OCA2: variants seen among roughly 807,000 people sequenced by gnomAD.
OCA2 encodes the protein P protein.
A neutral mutation model predicts 100.2 loss-of-function variants in OCA2; 77 were observed. The observed-to-expected ratio is 0.77, with a 90% CI of 0.64 to 0.93. The LOEUF is 0.93. Among genes scored for constraint, OCA2 ranks in the 40% least tolerant of loss-of-function variants. The probability of loss-of-function intolerance (pLI) is 0.00; values close to 1 mark genes in which losing one functional copy is unlikely to be tolerated. For missense variants in OCA2, 1,062 were observed against 1,089.1 expected (o/e 0.98, Z 0.35); for synonymous variants, 432 against 439.2 (o/e 0.98, Z 0.21).
At chr15:27,849,518 A>G (rs934573545) in intron 22 of OCA2, among the ~76,000 whole-genome samples, 2 of 146,360 alleles carry the variant, frequency 1.4e-5, no homozygotes, top group Non-Finnish European at 3.0e-5. Context: ...GAGCAACCAA[A>G]AAATACTGGG....
At chr15:28,061,414 GC>G (rs1320392012) in intron 2 of OCA2, among the ~76,000 whole-genome samples, 2 of 152,102 alleles carry the variant, frequency 1.3e-5, no homozygotes, top group African/African-American at 4.8e-5. Flanking sequence ...AACAGGAACA[GC>G]AAAAAGCCCT....
chr15:27,809,200 G>A (rs924314), intron 23 of OCA2, among the ~76,000 whole-genome samples: 76,853 of 152,034 alleles, frequency 0.51, 20,028 homozygotes, highest in South Asian at 0.76. Flanking sequence ...GAAGCTTACC[G>A]TTTGGGGATG....
chr15:27,926,354 G>T, intron 18 of OCA2, 100 bp from the exon 19 acceptor site: 2 of 1,289,824 alleles, frequency 1.6e-6, no homozygotes, highest in Non-Finnish European at 2.2e-6. Context: ...AAGAATAATT[G>T]TCATACTACA....
At chr15:27,979,637 C>T (rs2041081220) in intron 14 of OCA2, among the ~76,000 whole-genome samples, 1 of 151,480 alleles carries the variant, frequency 6.6e-6, no homozygotes, top group South Asian at 2.1e-4. Context: ...ACATTTTTAA[C>T]TTTCACGGAC....
chr15:27,958,353 T>C (rs1276904237), intron 15 of OCA2, among the ~76,000 whole-genome samples: 1 of 152,230 alleles, frequency 6.6e-6, no homozygotes, highest in Non-Finnish European at 1.5e-5. Context: ...AGCCAAAATC[T>C]AGACATTGCC....
chr15:28,084,282 T>C (rs2141925354), intron 1 of OCA2, among the ~76,000 whole-genome samples: 1 of 152,340 alleles, frequency 6.6e-6, no homozygotes, highest in Non-Finnish European at 1.5e-5. Flanking sequence ...GTCATCAGTT[T>C]ATGATGTTTT....
intron 2 of OCA2, among the ~76,000 whole-genome samples, chr15:28,054,158 T>C (rs1010333296): frequency 3.9e-5 from 6 of 152,186 alleles, no homozygotes; most frequent in Admixed American, 3.3e-4. Context: ...ACTGTACATA[T>C]ATGTATTATA....
chr15:27,849,128 G>A (rs1187222744), intron 22 of OCA2, among the ~76,000 whole-genome samples: 25 of 137,356 alleles, frequency 1.8e-4, no homozygotes, highest in African/African-American at 5.9e-4. Context: ...ACACAGCCAC[G>A]TGCTGCCTGG....
At chr15:27,751,903 T>C (rs2030076982), downstream of OCA2, among the ~76,000 whole-genome samples, 1 of 152,204 alleles carries the variant, frequency 6.6e-6, no homozygotes, top group Non-Finnish European at 1.5e-5. Context: ...CTACAGAACT[T>C]GGGCTGTGCG....
chr15:27,943,964 T>C (rs1327274811), intron 18 of OCA2, among the ~76,000 whole-genome samples: 1 of 152,214 alleles, frequency 6.6e-6, no homozygotes, highest in Admixed American at 6.5e-5. Context: ...CTTGGGTACA[T>C]GTTCTCAGGA....
intron 23 of OCA2, among the ~76,000 whole-genome samples, chr15:27,760,404 T>C (rs2030739716): frequency 6.6e-6 from 1 of 150,890 alleles, no homozygotes; most frequent in African/African-American, 2.4e-5. Flanking sequence ...CTTAAGGAAA[T>C]AGAAAAAGAA....
At chr15:27,860,624 C>T (rs2036095911) in intron 21 of OCA2, among the ~76,000 whole-genome samples, 1 of 152,224 alleles carries the variant, frequency 6.6e-6, no homozygotes, top group Non-Finnish European at 1.5e-5. Context: ...CTGCAAGGAA[C>T]ATGATCTCAT....
chr15:27,984,254 G>A (rs2041267629), intron 13 of OCA2, among the ~76,000 whole-genome samples: 3 of 152,030 alleles, frequency 2.0e-5, no homozygotes, highest in Admixed American at 1.3e-4. Flanking sequence ...CTGGAATCTG[G>A]GAGTCCTACA....
intron 19 of OCA2, among the ~76,000 whole-genome samples, chr15:27,907,949 C>T (rs2140235870): frequency 6.6e-6 from 1 of 152,092 alleles, no homozygotes; most frequent in East Asian, 1.9e-4. Flanking sequence ...CAGATAGTCA[C>T]AATTATCTAT....
chr15:27,835,356 GT>G (rs1396186916), intron 23 of OCA2, among the ~76,000 whole-genome samples: 5 of 152,174 alleles, frequency 3.3e-5, no homozygotes, highest in Non-Finnish European at 4.4e-5. Context: ...TCCTTCCCCT[GT>G]TTCTAGGGCC....
chr15:28,075,058 C>T (rs1439929689), intron 2 of OCA2, among the ~76,000 whole-genome samples: 1 of 152,104 alleles, frequency 6.6e-6, no homozygotes, highest in Non-Finnish European at 1.5e-5. Context: ...CCTAAAACTA[C>T]AACACTTCTA....
chr15:27,913,857 A>C, intron 19 of OCA2, among the ~76,000 whole-genome samples: 1 of 43,260 alleles, frequency 2.3e-5, no homozygotes, highest in Non-Finnish European at 3.9e-5. Context: ...GAAAGAAAGA[A>C]AGAAAGAAAG....
intron 23 of OCA2, among the ~76,000 whole-genome samples, chr15:27,773,323 A>C (rs1346376726): frequency 2.0e-5 from 3 of 152,170 alleles, no homozygotes; most frequent in Non-Finnish European, 4.4e-5. Flanking sequence ...TCAGTGACAA[A>C]AGATAAATAA....
intron 2 of OCA2, among the ~76,000 whole-genome samples, chr15:28,064,422 T>C (rs563582401): frequency 6.6e-6 from 1 of 152,194 alleles, no homozygotes; most frequent in South Asian, 2.1e-4. Context: ...ATTTGATGGC[T>C]TTCCACAGGT....
Sources: allele counts gnomAD v4.1 joint callset (sites outside exome capture counted in the v4.1 genomes callset), GRCh38; gene constraint gnomAD v4.1.1; transcripts MANE v1.5; gene names NCBI Gene and HGNC (gene_info 2026-07-23, HGNC 2026-07-21).